TRAPPC9: variants seen among roughly 807,000 people sequenced by gnomAD.
The protein encoded by TRAPPC9 is trafficking protein particle complex subunit 9, also known as IKK2 binding protein.
In TRAPPC9, 83 loss-of-function variants were observed where a neutral mutation model predicts 124.0. The observed-to-expected ratio is 0.67, with a 90% confidence interval of 0.56 to 0.80. The LOEUF (loss-of-function observed/expected upper bound fraction) is 0.80, where lower values mean the gene tolerates loss of function less well. Among genes scored for constraint, TRAPPC9 ranks in the 30% least tolerant of loss-of-function variants. The pLI is 0.00. For synonymous variants in TRAPPC9, 638 were observed against 617.5 expected, an observed-to-expected ratio of 1.03 and a Z score of -0.49; for missense variants, 1,302 against 1,508.3, an observed-to-expected ratio of 0.86 and a Z score of 2.27.
intron 9 of TRAPPC9, among the ~76,000 whole-genome samples, chr8:140,336,715 C>T (rs796173766): frequency 6.6e-6 from 1 of 152,266 alleles, no homozygotes; most frequent in African/African-American, 2.4e-5. Flanking sequence ...CTATCTCATC[C>T]AATCCTTGTC....
At chr8:140,368,760 A>G (rs2068194804) in intron 8 of TRAPPC9, among the ~76,000 whole-genome samples, 1 of 152,022 alleles carries the variant, frequency 6.6e-6, no homozygotes, top group East Asian at 1.9e-4. Context: ...CTCCTGCTAT[A>G]TTACTCACTC....
intron 17 of TRAPPC9, among the ~76,000 whole-genome samples, chr8:140,211,605 CA>C (rs2063064017): frequency 6.6e-6 from 1 of 152,216 alleles, no homozygotes; most frequent in South Asian, 2.1e-4. Context: ...AAACATCCCA[CA>C]ATTCTTTATT....
intron 17 of TRAPPC9, among the ~76,000 whole-genome samples, chr8:140,161,255 T>G (rs570866115): frequency 6.5e-4 from 99 of 152,198 alleles, no homozygotes; most frequent in African/African-American, 2.3e-3. Context: ...CTCACCCCAA[T>G]TTTACAGAGG....
At chr8:140,368,868 C>T (rs1469883136) in intron 8 of TRAPPC9, among the ~76,000 whole-genome samples, 1 of 152,072 alleles carries the variant, frequency 6.6e-6, no homozygotes, top group Non-Finnish European at 1.5e-5. Context: ...GGCAACACAG[C>T]GAGACCTCAT....
chr8:139,868,373 T>C (rs1025986097), intron 21 of TRAPPC9, among the ~76,000 whole-genome samples: 1 of 152,046 alleles, frequency 6.6e-6, no homozygotes, highest in African/African-American at 2.4e-5. Flanking sequence ...AATAAATAAA[T>C]AAAATGTTCA....
chr8:140,122,040 T>C (rs1202017002), intron 17 of TRAPPC9, among the ~76,000 whole-genome samples: 1 of 151,796 alleles, frequency 6.6e-6, no homozygotes, highest in Non-Finnish European at 1.5e-5. Context: ...TCTCTCTCTC[T>C]CTCTCTCTCT....
chr8:140,439,386 C>T (rs181074268), intron 2 of TRAPPC9, among the ~76,000 whole-genome samples, 189 bp from the exon 3 acceptor site: 3 of 152,322 alleles, frequency 2.0e-5, no homozygotes, highest in Non-Finnish European at 2.9e-5. Context: ...CAAAAATGTA[C>T]TGCCAAGCAA....
intron 7 of TRAPPC9, among the ~76,000 whole-genome samples, chr8:140,385,564 T>C (rs951739956): frequency 6.6e-6 from 1 of 152,180 alleles, no homozygotes; most frequent in African/African-American, 2.4e-5. Flanking sequence ...CTAGAAAATC[T>C]AGAAGAAATG....
rs1403938346 is a variant in TRAPPC9 at position 140,294,283 on chromosome 8, T to G, written c.1769-3205A>C. ...AGGGAGCTCACCCGACCTCCTCATT[T>G]ACACAAGTCAGTGGCCAGAGCACAA... On this transcript the variant is annotated intron_variant, in intron 11 of 22. Transcript: ENST00000438773. Among the ~76,000 whole-genome samples, 7 of 152,124 alleles carry G rather than the reference T, an allele frequency of 4.6e-5. 1 individual carries two copies. The highest frequency in any genetic ancestry group is 1.7e-4 in the African/African-American group (7 of 41,418).
intron 9 of TRAPPC9, among the ~76,000 whole-genome samples, chr8:140,343,148 C>T (rs909024642): frequency 1.8e-4 from 27 of 152,072 alleles, no homozygotes; most frequent in African/African-American, 6.5e-4. Context: ...TAAAAGATGA[C>T]CAGAAAAGCA....
At chr8:139,739,312 C>T (rs1291583008) in intron 21 of TRAPPC9, among the ~76,000 whole-genome samples, 8 of 152,182 alleles carry the variant, frequency 5.3e-5, no homozygotes, top group East Asian at 3.9e-4. Flanking sequence ...CCCTGGCTGG[C>T]CGCTCCCTCT....
intron 17 of TRAPPC9, among the ~76,000 whole-genome samples, chr8:140,090,783 G>A (rs555469109): frequency 1.3e-5 from 2 of 152,366 alleles, no homozygotes; most frequent in East Asian, 1.9e-4. Context: ...TGAGCTCATA[G>A]AGCAGCCTTG....
chr8:140,160,447 C>A (rs2061727062), intron 17 of TRAPPC9, among the ~76,000 whole-genome samples: 1 of 152,156 alleles, frequency 6.6e-6, no homozygotes, highest in Non-Finnish European at 1.5e-5. Context: ...ACATATACAC[C>A]ATGGAATACT....
intron 17 of TRAPPC9, among the ~76,000 whole-genome samples, chr8:140,044,578 G>A (rs925081026): frequency 1.9e-4 from 29 of 152,382 alleles, no homozygotes; most frequent in African/African-American, 6.5e-4. Context: ...GGGCATGACA[G>A]TGCCCCCAGG....
intron 4 of TRAPPC9, among the ~76,000 whole-genome samples, chr8:140,427,178 G>A (rs1333483184): frequency 6.7e-6 from 1 of 150,028 alleles, no homozygotes; most frequent in Non-Finnish European, 1.5e-5. Flanking sequence ...TTACAGGCAT[G>A]ACCCACCATG....
intron 19 of TRAPPC9, among the ~76,000 whole-genome samples, chr8:139,927,489 G>A (rs540143733): frequency 6.6e-6 from 1 of 152,226 alleles, no homozygotes; most frequent in South Asian, 2.1e-4. Flanking sequence ...CAAGTGACCT[G>A]CCTGCCTCAG....
intron 17 of TRAPPC9, among the ~76,000 whole-genome samples, chr8:140,134,678 T>A (rs936600966): frequency 6.6e-6 from 1 of 152,304 alleles, no homozygotes; most frequent in Middle Eastern, 3.4e-3. Context: ...CCTCACCCCA[T>A]ATATATAAAT....
intron 17 of TRAPPC9, among the ~76,000 whole-genome samples, chr8:140,107,446 C>T (rs2060687343): frequency 6.6e-6 from 1 of 152,180 alleles, no homozygotes; most frequent in African/African-American, 2.4e-5. Flanking sequence ...AAGACAACTG[C>T]AACAAAGATA....
Position 139,952,092 on chromosome 8 carries a change from C to T in TRAPPC9, c.2810+36634G>A, listed in dbSNP as rs141953328. Among the ~76,000 whole-genome samples the T allele has an allele frequency of 3.1e-3, 474 of 152,298 alleles. 1 individual carries two copies. Among genetic ancestry groups the T allele is most frequent in the African/African-American group, 0.011 (451 of 41,562 alleles). On this transcript the variant is annotated intron_variant, in intron 19 of 22. Transcript: ENST00000438773. ...GCTTAAAAGCTGAAGAAATACTTTA[C>T]CTTCTTACCCACAACTTAAGCTGTT...
Sources: gnomAD v4.1 joint callset for allele counts (sites outside exome capture counted in the v4.1 genomes callset) on GRCh38, gnomAD v4.1.1 for gene constraint, MANE v1.5 for transcripts, NCBI Gene and HGNC (gene_info 2026-07-23, HGNC 2026-07-21) for gene names.